PPP6R3: variants seen among roughly 807,000 people sequenced by gnomAD.
The protein encoded by PPP6R3 is protein phosphatase 6 regulatory subunit 3.
A neutral mutation model predicts 110.7 loss-of-function variants in PPP6R3; 38 were observed. The ratio of observed to expected loss-of-function variants is 0.34; its 90% CI spans 0.26 to 0.45. The LOEUF (loss-of-function observed/expected upper bound fraction) is 0.45. Ranked by LOEUF, PPP6R3 falls within the 20% of genes least tolerant of loss-of-function variation. The pLI is 1.00. For missense variants in PPP6R3, 870 were observed against 1,062.4 expected (o/e 0.82, Z 2.52); for synonymous variants, 369 against 373.5 (o/e 0.99, Z 0.14).
At chr11:68,540,782 C>G (rs962247870) in intron 3 of PPP6R3, among the ~76,000 whole-genome samples, 13 of 152,212 alleles carry the variant, frequency 8.5e-5, no homozygotes, top group African/African-American at 2.9e-4. Context: ...ATATTTCTCC[C>G]ATTTGCTTTT....
At chr11:68,508,430 G>A (rs72936524) in intron 1 of PPP6R3, among the ~76,000 whole-genome samples, 16,093 of 152,008 alleles carry the variant, frequency 0.11, 1,086 homozygotes, top group Admixed American at 0.15. Flanking sequence ...GTGCCTGGCC[G>A]GCTTTTTGTT....
intron 1 of PPP6R3, among the ~76,000 whole-genome samples, chr11:68,486,340 T>G (rs1490459448): frequency 6.6e-6 from 1 of 152,054 alleles, no homozygotes; most frequent in African/African-American, 2.4e-5. Flanking sequence ...GTGCAGTGGC[T>G]CACACTTGTA....
intron 2 of PPP6R3, among the ~76,000 whole-genome samples, chr11:68,523,721 CT>C (rs1299662438): frequency 2.4e-4 from 17 of 69,954 alleles, no homozygotes; most frequent in African/African-American, 9.3e-4. Context: ...CCCCCCCCCC[CT>C]TTTTTTTTTC....
At position 68,496,853 on chromosome 11, in the gene PPP6R3, C is replaced by CTT. The variant is rs1157617908; in HGVS notation, c.-157-22623_-157-22622dup. 1.0e-3 allele frequency among the ~76,000 whole-genome samples: 62 copies of CTT among 61,274 alleles called. 7 individuals are homozygous for CTT. Among genetic ancestry groups the CTT allele is most frequent in the South Asian group, 2.2e-3 (3 of 1,394 alleles). The allele number at this position is 61,274 out of a possible 152,430, so 40.2% of individuals were successfully genotyped here. A position where few individuals can be genotyped will look rare whatever the true frequency, so the allele number is the denominator to read the frequency against. The stretch of plus-strand genomic sequence containing the variant: ...TTTCTTAATTATTCCATATTCTTGT[C>CTT]TTTTTTTTTTTTTTTTTTTTTTTTT... On this transcript the variant is annotated intron_variant, in intron 1 of 23. Transcript: ENST00000393800.
At chr11:68,584,884 T>C (rs2099573330) in intron 15 of PPP6R3, among the ~76,000 whole-genome samples, 1 of 152,218 alleles carries the variant, frequency 6.6e-6, no homozygotes, top group African/African-American at 2.4e-5. Flanking sequence ...TCATGGATCA[T>C]TTTGAAAATA....
Position 68,612,942 on chromosome 11 carries a change from A to AACTT in PPP6R3, c.2571-120_2571-117dup, listed in dbSNP as rs532840086. ...TTCATTTACATATCATTTTATTAAA[A>AACTT]ACTTACTAAGTTCAAAACAATGTTA... On this transcript the variant is annotated intron_variant, in intron 23 of 23. Transcript: ENST00000393800. 7.7e-4 allele frequency: 1,161 copies of AACTT among 1,503,774 alleles called. 7 individuals are homozygous for AACTT. The African/African-American group carries it at 0.01, about 13-fold the overall frequency. 93.2% of individuals were successfully genotyped at this position (1,503,774 alleles called of 1,614,324 possible).
chr11:68,572,412 T>C (rs2099510971), intron 12 of PPP6R3, among the ~76,000 whole-genome samples: 3 of 152,236 alleles, frequency 2.0e-5, no homozygotes. Context: ...AGTTTGAAGC[T>C]GTGGGTCACC....
chr11:68,534,283 C>G (rs968583353), intron 2 of PPP6R3, among the ~76,000 whole-genome samples: 15 of 152,152 alleles, frequency 9.9e-5, no homozygotes, highest in African/African-American at 3.6e-4. Context: ...ACAAAGGACA[C>G]TACACTTTTC....
Position 68,527,285 on chromosome 11 carries a change from G to A in PPP6R3, c.-7+7634G>A, listed in dbSNP as rs371568192. Reference sequence around the variant, plus strand: ...ATTGCAAGGCATCATTTTCTGCTCCGGTGGGCCCCTCTTCATTAGGCTCAC... The same window carrying A: ...ATTGCAAGGCATCATTTTCTGCTCCAGTGGGCCCCTCTTCATTAGGCTCAC... On this transcript the variant is annotated intron_variant, in intron 2 of 23. Transcript: ENST00000393800. Among the ~76,000 whole-genome samples the A allele has an allele frequency of 5.7e-4, 86 of 152,180 alleles. 1 individual carries two copies. Among genetic ancestry groups the A allele is most frequent in the African/African-American group, 2.0e-3 (82 of 41,512 alleles).
intron 22 of PPP6R3, 173 bp from the exon 23 acceptor site, chr11:68,609,731 C>T (rs988507915): frequency 1.3e-6 from 2 of 1,558,010 alleles, no homozygotes; most frequent in African/African-American, 2.7e-5. Flanking sequence ...TTTGTGATTC[C>T]CCAGTCACTG....
At chr11:68,570,606 G>A (rs1389083203) in intron 11 of PPP6R3, among the ~76,000 whole-genome samples, 1 of 152,216 alleles carries the variant, frequency 6.6e-6, no homozygotes, top group Non-Finnish European at 1.5e-5. Flanking sequence ...ATGCAGTAAT[G>A]TTAGTTCATC....
chr11:68,499,113 A>G (rs1243529986), intron 1 of PPP6R3, among the ~76,000 whole-genome samples: 1 of 150,966 alleles, frequency 6.6e-6, no homozygotes, highest in Admixed American at 6.6e-5. Context: ...TTTTTTTTCT[A>G]TTATCTTTTT....
At chr11:68,606,092 A>G (rs1939588362) in intron 22 of PPP6R3, among the ~76,000 whole-genome samples, 2 of 152,324 alleles carry the variant, frequency 1.3e-5, no homozygotes, top group African/African-American at 2.4e-5. Context: ...AAAATAATTT[A>G]TAATGATTAG....
chr11:68,495,771 T>C (rs1411478462), intron 1 of PPP6R3, among the ~76,000 whole-genome samples: 2 of 152,254 alleles, frequency 1.3e-5, no homozygotes, highest in South Asian at 2.1e-4. Flanking sequence ...TTTTGGCTTT[T>C]ATGAATAATG....
At position 68,614,534 on chromosome 11, in the gene PPP6R3, C is replaced by T; in HGVS notation, c.*1417C>T. ...TGGCCAACAATTTTTTTAGAAGTAG[C>T]ATCCCAAGCAGCGTGCCTAAACATT... On this transcript the variant is annotated 3_prime_UTR_variant, in exon 24 of 24. Transcript: ENST00000393800. 2.8e-6 allele frequency: 4 copies of T among 1,439,458 alleles called. No individual in the cohort carries two copies. The highest frequency in any genetic ancestry group is 3.6e-6 in the Non-Finnish European group (4 of 1,100,844). 89.2% of individuals were successfully genotyped at this position (1,439,458 alleles called of 1,614,324 possible). A position where few individuals can be genotyped will look rare whatever the true frequency, so the allele number is the denominator to read the frequency against.
chr11:68,489,500 A>G (rs1423030114), intron 1 of PPP6R3, among the ~76,000 whole-genome samples: 3 of 151,352 alleles, frequency 2.0e-5, no homozygotes, highest in Non-Finnish European at 4.4e-5. Context: ...TACAGGTATT[A>G]TACCTCGTTT....
At chr11:68,540,849 G>C (rs1376180811) in intron 3 of PPP6R3, among the ~76,000 whole-genome samples, 1 of 152,194 alleles carries the variant, frequency 6.6e-6, no homozygotes, top group African/African-American at 2.4e-5. Context: ...AGAGTTTAAG[G>C]TTATCTGTCT....
intron 1 of PPP6R3, among the ~76,000 whole-genome samples, chr11:68,494,027 C>T (rs990697434): frequency 6.1e-4 from 90 of 147,940 alleles, no homozygotes; most frequent in Middle Eastern, 3.5e-3. Context: ...GGCGTGAACC[C>T]GGGAGGAGGA....
chr11:68,514,920 C>G (rs899113481), intron 1 of PPP6R3: 1 of 152,146 alleles, frequency 6.6e-6, no homozygotes, highest in Non-Finnish European at 1.5e-5. Flanking sequence ...TACATGTCTT[C>G]TGAAAGTTTT....
Sources: gnomAD v4.1 joint callset for allele counts (sites outside exome capture counted in the v4.1 genomes callset) on GRCh38, gnomAD v4.1.1 for gene constraint, MANE v1.5 for transcripts, NCBI Gene and HGNC (gene_info 2026-07-23, HGNC 2026-07-21) for gene names.